CFAP44: variants seen among roughly 807,000 people sequenced by gnomAD.
CFAP44 encodes cilia- and flagella-associated protein 44.
A neutral mutation model predicts 216.2 loss-of-function variants in CFAP44; 134 were observed. The observed-to-expected ratio is 0.62, with a 90% confidence interval of 0.54 to 0.72. The LOEUF is 0.72. Among genes scored for constraint, CFAP44 ranks in the 30% least tolerant of loss-of-function variants. CFAP44 has a pLI of 0.00. For synonymous variants in CFAP44, 700 were observed against 727.6 expected (o/e 0.96, Z 0.61); for missense variants, 2,035 against 2,182.1 (o/e 0.93, Z 1.34).
At chr3:113,377,240 T>G (rs60279293) in intron 17 of CFAP44, among the ~76,000 whole-genome samples, 19,142 of 152,220 alleles carry the variant, frequency 0.13, 1,243 homozygotes, top group Non-Finnish European at 0.15. Context: ...GTGTGAGTAT[T>G]GATTTGAGAA....
At chr3:113,386,174 G>GT (rs1933645218) in intron 15 of CFAP44, among the ~76,000 whole-genome samples, 1 of 152,076 alleles carries the variant, frequency 6.6e-6, no homozygotes, top group Non-Finnish European at 1.5e-5. Flanking sequence ...TCTTATGATA[G>GT]TTTTTTATGT....
chr3:113,413,776 T>C (rs994255758), intron 6 of CFAP44, among the ~76,000 whole-genome samples: 2 of 152,214 alleles, frequency 1.3e-5, no homozygotes, highest in African/African-American at 4.8e-5. Context: ...TGTAGTATAG[T>C]TTGAAGTCAG....
intron 1 of CFAP44, among the ~76,000 whole-genome samples, chr3:113,440,798 G>A (rs1349337470): frequency 1.3e-5 from 2 of 152,102 alleles, no homozygotes; most frequent in African/African-American, 2.4e-5. Flanking sequence ...GCTTATTGCA[G>A]CCCAGCTACA....
At chr3:113,340,941 G>A (rs2107819010) in intron 24 of CFAP44, among the ~76,000 whole-genome samples, 1 of 152,298 alleles carries the variant, frequency 6.6e-6, no homozygotes, top group East Asian at 1.9e-4. Context: ...CCTGGAGTTG[G>A]GCCACTCGGC....
intron 26 of CFAP44, among the ~76,000 whole-genome samples, chr3:113,328,248 T>C (rs1357376004): frequency 7.7e-6 from 1 of 129,506 alleles, no homozygotes; most frequent in African/African-American, 2.8e-5. Flanking sequence ...CACAGAATGG[T>C]AAATATTTTT....
chr3:113,293,085 G>A (rs75610527), intron 34 of CFAP44, among the ~76,000 whole-genome samples: 4,373 of 152,230 alleles, frequency 0.029, 109 homozygotes, highest in East Asian at 0.1. Context: ...ACTCCTATTT[G>A]TTTAAGGTAC....
chr3:113,292,695 G>C (rs1949842341), intron 34 of CFAP44, among the ~76,000 whole-genome samples: 1 of 152,214 alleles, frequency 6.6e-6, no homozygotes, highest in Non-Finnish European at 1.5e-5. Flanking sequence ...CAGGTTGCCT[G>C]ATGCTAAAAG....
intron 28 of CFAP44, among the ~76,000 whole-genome samples, chr3:113,324,042 C>CAAAAAAAAAAAAAAAAAAAAAA (rs200919084): frequency 2.5e-4 from 18 of 71,830 alleles, no homozygotes; most frequent in South Asian, 5.5e-4. Flanking sequence ...GACTCCGTCT[C>CAAAAAAAAAAAAAAAAAAAAAA]AAAAAAAAAA....
chr3:113,423,256 AGG>A (rs1187582070), intron 4 of CFAP44, among the ~76,000 whole-genome samples: 3 of 151,814 alleles, frequency 2.0e-5, no homozygotes, highest in Non-Finnish European at 4.4e-5. Flanking sequence ...CTGAGACTAC[AGG>A]TGTGCACCAC....
chr3:113,360,825 T>A lies in CFAP44; in HGVS notation c.2935-1950A>T, dbSNP rs1576569194. The A allele has an allele frequency of 3.2e-5, 6 of 186,556 alleles. 1 individual carries two copies. The Admixed American group carries it at 3.8e-4, about 12-fold the overall frequency. 11.6% of individuals were successfully genotyped at this position (186,556 alleles called of 1,614,324 possible). Reference sequence around the variant, plus strand: ...CAGAGAGACCAACTGTTTCATAGGATGGGAAAAATCTACTTTTATAAAGTA... The same window carrying A: ...CAGAGAGACCAACTGTTTCATAGGAAGGGAAAAATCTACTTTTATAAAGTA... On this transcript the variant is annotated intron_variant, in intron 21 of 34. Transcript: ENST00000393845.
At chr3:113,302,196 C>T (rs1479523887) in intron 32 of CFAP44, among the ~76,000 whole-genome samples, 1 of 151,890 alleles carries the variant, frequency 6.6e-6, no homozygotes, top group Non-Finnish European at 1.5e-5. Flanking sequence ...AGGTTGATTC[C>T]GTGTCTTGGC....
chr3:113,324,139 T>C (rs565133219), intron 28 of CFAP44, among the ~76,000 whole-genome samples: 2 of 151,432 alleles, frequency 1.3e-5, no homozygotes, highest in Admixed American at 6.6e-5. Flanking sequence ...CCAAAAGAAA[T>C]GTTCAAATCC....
chr3:113,401,395 G>T, intron 10 of CFAP44, 108 bp from the exon 11 acceptor site: 1 of 1,204,332 alleles, frequency 8.3e-7, no homozygotes, highest in South Asian at 1.5e-5. Context: ...AATATCAAAA[G>T]CTCACATATA....
intron 7 of CFAP44, among the ~76,000 whole-genome samples, 167 bp from the exon 8 acceptor site, chr3:113,407,208 G>A (rs998344390): frequency 3.3e-5 from 5 of 152,170 alleles, no homozygotes; most frequent in African/African-American, 1.2e-4. Context: ...CGGCAAGGTT[G>A]TAGGCAATGT....
intron 13 of CFAP44, chr3:113,397,096 CTGAAA>C (rs1313164570): frequency 5.1e-6 from 1 of 196,888 alleles, no homozygotes. Context: ...AAATTGTGAA[CTGAAA>C]TAAGTGCTAA....
At chr3:113,354,084 CA>C (rs35767090) in intron 22 of CFAP44, among the ~76,000 whole-genome samples, 21,132 of 128,240 alleles carry the variant, frequency 0.16, 1,424 homozygotes, top group African/African-American at 0.18. Context: ...AGGCAAGCCT[CA>C]AAAAAAAAAA....
At chr3:113,309,826 A>C (rs1004847842) in intron 28 of CFAP44, among the ~76,000 whole-genome samples, 1 of 152,186 alleles carries the variant, frequency 6.6e-6, no homozygotes, top group Non-Finnish European at 1.5e-5. Flanking sequence ...CATCTACCTC[A>C]GACTTGGAGA....
chr3:113,311,637 G>GT lies in CFAP44; in HGVS notation c.4517-3370dup, dbSNP rs1357599293. Among the ~76,000 whole-genome samples, 9 of 152,170 alleles carry GT rather than the reference G, an allele frequency of 5.9e-5. 1 individual carries two copies. The highest frequency in any genetic ancestry group is 2.2e-4 in the African/African-American group (9 of 41,394). ...GGACTAATACAGTAAATTGGAACCAGTAGAGTGGGGCGCTGTTGAACAGAT... is the reference window on the plus strand; with the variant it reads ...GGACTAATACAGTAAATTGGAACCAGTTAGAGTGGGGCGCTGTTGAACAGAT... On this transcript the variant is annotated intron_variant, in intron 28 of 34. Coordinates refer to ENST00000393845, the MANE Select transcript of CFAP44 (RefSeq NM_001164496.2).
chr3:113,405,809 C>G (rs1934260070), intron 8 of CFAP44, among the ~76,000 whole-genome samples: 1 of 152,142 alleles, frequency 6.6e-6, no homozygotes, highest in Admixed American at 6.5e-5. Context: ...TGATCTTTAT[C>G]TTAGCTTAAT....
Sources: gnomAD v4.1 joint callset for allele counts (sites outside exome capture counted in the v4.1 genomes callset) on GRCh38, gnomAD v4.1.1 for gene constraint, MANE v1.5 for transcripts, NCBI Gene and HGNC (gene_info 2026-07-23, HGNC 2026-07-21) for gene names.